Variants in APMAP observed in about 807,000 individuals in gnomAD.
APMAP encodes adipocyte plasma membrane associated protein.
In APMAP, 33 loss-of-function variants were observed where a neutral mutation model predicts 43.6. That is an observed-to-expected ratio of 0.76 (90% CI 0.57 to 1.01). APMAP has a LOEUF of 1.01. Among genes scored for constraint, APMAP ranks in the 50% least tolerant of loss-of-function variants. APMAP has a pLI of 0.00. For missense variants in APMAP, 498 were observed against 540.7 expected (o/e 0.92, Z 0.78); for synonymous variants, 224 against 216.7 (o/e 1.03, Z -0.30).
chr20:24,990,153 G>A (rs1004544180), intron 1 of APMAP, among the ~76,000 whole-genome samples: 1 of 152,136 alleles, frequency 6.6e-6, no homozygotes, highest in South Asian at 2.1e-4. Flanking sequence ...ATAATTATAA[G>A]CTTGCACCGG....
intron 8 of APMAP, chr20:24,964,336 A>T (rs2087925698): frequency 1.8e-6 from 1 of 543,480 alleles, no homozygotes; most frequent in Non-Finnish European, 3.6e-6. Flanking sequence ...CGACGTGGTC[A>T]CAGCACTGCA....
At chr20:24,979,830 C>T (rs560148730) in intron 2 of APMAP, among the ~76,000 whole-genome samples, 2 of 152,124 alleles carry the variant, frequency 1.3e-5, no homozygotes, top group Non-Finnish European at 2.9e-5. Context: ...CCTTCTGCAT[C>T]CCTCACACCA....
chr20:24,987,905 A>G (rs1026246141), intron 1 of APMAP, among the ~76,000 whole-genome samples: 6 of 152,218 alleles, frequency 3.9e-5, no homozygotes, highest in Non-Finnish European at 8.8e-5. Flanking sequence ...CTTCCAACAC[A>G]ATAGAAATGA....
At position 24,978,750 on chromosome 20, in the gene APMAP, C is replaced by CA; in HGVS notation, c.328+16_328+17insT. ...GACAGCCTGGAAGGCTCCCCCCCCACCCAAGCTTAGACTTACCCCCAATAT... is the reference window on the plus strand; with the variant it reads ...GACAGCCTGGAAGGCTCCCCCCCCACACCAAGCTTAGACTTACCCCCAATAT... On this transcript the variant is annotated intron_variant, in intron 3 of 8. Coordinates refer to ENST00000217456, the MANE Select transcript of APMAP (RefSeq NM_020531.3). 3.5e-6 allele frequency: 5 copies of CA among 1,408,762 alleles called. No homozygotes were observed. Among genetic ancestry groups the CA allele is most frequent in the South Asian group, 3.5e-5 (3 of 85,670 alleles). The allele number at this position is 1,408,762 out of a possible 1,614,324, so 87.3% of individuals were successfully genotyped here.
At chr20:24,970,424 A>G in intron 5 of APMAP, 53 bp from the exon 6 acceptor site, 1 of 1,520,292 alleles carries the variant, frequency 6.6e-7, no homozygotes, top group Non-Finnish European at 8.9e-7. Context: ...ACTTCTCAAT[A>G]ATTGCAAAAT....
intron 8 of APMAP, among the ~76,000 whole-genome samples, chr20:24,967,557 C>A (rs558190019): frequency 6.6e-6 from 1 of 152,338 alleles, no homozygotes; most frequent in South Asian, 2.1e-4. Flanking sequence ...AACAGAAAAA[C>A]ACCTGCTCTG....
intron 6 of APMAP, 152 bp from the exon 7 acceptor site, chr20:24,969,812 T>C (rs1600281376): frequency 4.6e-6 from 5 of 1,078,798 alleles, no homozygotes; most frequent in Non-Finnish European, 6.4e-6. Flanking sequence ...GGCTGGCCCC[T>C]GGGGGCCCTT....
intron 8 of APMAP, 103 bp from the exon 9 acceptor site, chr20:24,964,125 C>T: frequency 1.7e-6 from 2 of 1,203,294 alleles, no homozygotes; most frequent in South Asian, 1.3e-5. Context: ...CTGACTCCTT[C>T]CCATGACAGG....
chr20:24,977,592 G>C (rs1014733593), intron 3 of APMAP, among the ~76,000 whole-genome samples: 1 of 152,104 alleles, frequency 6.6e-6, no homozygotes, highest in Non-Finnish European at 1.5e-5. Context: ...ACTGTGCCTG[G>C]CCAAGAAATG....
At chr20:24,974,554 C>A (rs946303850) in intron 3 of APMAP, among the ~76,000 whole-genome samples, 1 of 152,040 alleles carries the variant, frequency 6.6e-6, no homozygotes, top group Non-Finnish European at 1.5e-5. Context: ...GAGACATTGC[C>A]AGAATTATTC....
chr20:24,974,078 C>A (rs1010384462), intron 3 of APMAP: 3 of 186,016 alleles, frequency 1.6e-5, no homozygotes, highest in Admixed American at 5.8e-5. Flanking sequence ...TTCATATTCA[C>A]CTCACATCAG....
chr20:24,964,087 C>A lies in APMAP; in HGVS notation c.1042-65G>T. ...CCAAGAACACTGTGCGCAGATCAAC[C>A]GTGCCGCCCCCACCATCCAGGAACG... On this transcript the variant is annotated intron_variant, in intron 8 of 8. Transcript: ENST00000217456. The A allele has an allele frequency of 5.3e-6, 8 of 1,520,480 alleles. No individual in the cohort carries two copies. The South Asian group carries it at 8.0e-5, about 15-fold the overall frequency. 94.2% of individuals were successfully genotyped at this position (1,520,480 alleles called of 1,614,324 possible).
chr20:24,969,751 G>C (rs1041184012), intron 6 of APMAP, 91 bp from the exon 7 acceptor site: 11 of 1,470,702 alleles, frequency 7.5e-6, no homozygotes, highest in Non-Finnish European at 1.0e-5. Flanking sequence ...AGGTGACTCC[G>C]CCTCACCCCG....
At chr20:24,978,713 C>A in intron 3 of APMAP, 54 bp downstream of exon 3, 1 of 1,222,732 alleles carries the variant, frequency 8.2e-7, no homozygotes, top group Non-Finnish European at 1.2e-6. Flanking sequence ...GAACCCGCCC[C>A]CTCAGACAAC....
chr20:24,968,065 C>G (rs1320580200), intron 8 of APMAP, among the ~76,000 whole-genome samples: 2 of 152,234 alleles, frequency 1.3e-5, no homozygotes, highest in African/African-American at 2.4e-5. Context: ...TTCAAATATT[C>G]AGTATCAATT....
chr20:24,992,494 C>T (rs965607533), intron 1 of APMAP, 100 bp downstream of exon 1: 2 of 962,044 alleles, frequency 2.1e-6, no homozygotes, highest in Non-Finnish European at 2.8e-6. Flanking sequence ...CTCGGCACCG[C>T]ATCCCCAGGT....
intron 4 of APMAP, 108 bp downstream of exon 4, chr20:24,973,537 G>T: frequency 9.3e-7 from 1 of 1,075,240 alleles, no homozygotes; most frequent in Non-Finnish European, 1.4e-6. Flanking sequence ...GATGGTCAGA[G>T]GTTCTTTTTC....
In APMAP at chr20:24,963,724, G is replaced by A. The variant is rs544710471; in HGVS notation, c.*89C>T. On this transcript the variant is annotated 3_prime_UTR_variant, in exon 9 of 9. Transcript: ENST00000217456. ...AGGTGCATGTGGACACTTGAACCAC[G>A]ACTGTGTCCACAGCTCCTCCTGGAC... is the stretch of plus-strand genomic sequence containing the variant. 1.3e-5 allele frequency: 17 copies of A among 1,348,658 alleles called. No individual in the cohort carries two copies. In the South Asian group the frequency reaches 1.3e-4, roughly 10 times the overall value. 83.5% of individuals were successfully genotyped at this position (1,348,658 alleles called of 1,614,324 possible).
intron 1 of APMAP, among the ~76,000 whole-genome samples, chr20:24,985,537 T>C (rs2088140122): frequency 6.6e-6 from 1 of 152,188 alleles, no homozygotes. Flanking sequence ...AACTATTACA[T>C]AATAAATCTG....
Sources: allele counts gnomAD v4.1 joint callset (sites outside exome capture counted in the v4.1 genomes callset), GRCh38; gene constraint gnomAD v4.1.1; transcripts MANE v1.5; gene names NCBI Gene and HGNC (gene_info 2026-07-23, HGNC 2026-07-21).